The following ZNF532 variants were observed in gnomAD, a reference collection of about 807,000 sequenced individuals.
The protein encoded by ZNF532 is zinc finger protein 532.
In ZNF532, 22 loss-of-function variants were observed where a neutral mutation model predicts 89.3. That is an observed-to-expected ratio of 0.25 (90% confidence interval 0.18 to 0.35). ZNF532 has a LOEUF of 0.35. ZNF532 is among the 10% of genes least tolerant of loss of function. The pLI is 1.00. For synonymous variants in ZNF532, 606 were observed against 649.6 expected (o/e 0.93, Z 1.02); for missense variants, 1,132 against 1,643.4 (o/e 0.69, Z 5.38).
rs996757833 is a variant in ZNF532, at chr18:58,878,226, G to A, written c.-18+12647G>A. Among the ~76,000 whole-genome samples the A allele has an allele frequency of 3.3e-5, 5 of 152,140 alleles. No homozygotes were observed. In the South Asian group the frequency reaches 1.0e-3, roughly 32 times the overall value. ...GCTGAGATTGAGCCACTGCACTCCA[G>A]CCTGGGCGACAGAGCAAGACTCCAT... On this transcript the variant is annotated intron_variant, in intron 2 of 9. Transcript: ENST00000591808.
At chr18:58,878,630 CTGAGG>C (rs2057634428) in intron 2 of ZNF532, among the ~76,000 whole-genome samples, 1 of 152,326 alleles carries the variant, frequency 6.6e-6, no homozygotes, top group Admixed American at 6.5e-5. Context: ...GCCCAGGTGG[CTGAGG>C]TGAGGGGTGT....
intron 2 of ZNF532, among the ~76,000 whole-genome samples, chr18:58,891,708 CTG>C (rs2058915373): frequency 6.6e-6 from 1 of 152,190 alleles, no homozygotes; most frequent in African/African-American, 2.4e-5. Context: ...ATGAGTTTGA[CTG>C]AGGATCTCTT....
intron 5 of ZNF532, among the ~76,000 whole-genome samples, chr18:58,940,618 G>A (rs2146644071): frequency 6.6e-6 from 1 of 152,242 alleles, no homozygotes; most frequent in South Asian, 2.1e-4. Flanking sequence ...TGAGGGTCCT[G>A]CTTAAGTGAG....
chr18:58,942,178 A>G (rs1362297783), intron 5 of ZNF532, among the ~76,000 whole-genome samples: 88 of 149,584 alleles, frequency 5.9e-4, no homozygotes, highest in Admixed American at 2.2e-3. Context: ...GCCCACCACC[A>G]CGCCTGGCTA....
chr18:58,890,851 TTAAAC>T (rs2058848021), intron 2 of ZNF532, among the ~76,000 whole-genome samples: 1 of 151,608 alleles, frequency 6.6e-6, no homozygotes, highest in Non-Finnish European at 1.5e-5. Context: ...TTTTTCCTTC[TTAAAC>T]TATTTTTTTA....
rs77893977 is a variant in ZNF532 at position 58,886,943 on chromosome 18, G to T, written c.-18+21364G>T. Among the ~76,000 whole-genome samples, 741 of 152,328 alleles carry T rather than the reference G, an allele frequency of 4.9e-3. 7 individuals carry two copies. The highest frequency in any genetic ancestry group is 0.016 in the African/African-American group (672 of 41,566). ...TCCTGTAGTAATCTCCTTAGTTGGA[G>T]ATGTTCTTTCATTAGCTTGTAATCT... is the stretch of plus-strand genomic sequence containing the variant. On this transcript the variant is annotated intron_variant, in intron 2 of 9. Coordinates refer to ENST00000591808, the MANE Select transcript of ZNF532 (RefSeq NM_001375912.1).
At chr18:58,971,082 T>C (rs763191608) in intron 7 of ZNF532, among the ~76,000 whole-genome samples, 1 of 152,260 alleles carries the variant, frequency 6.6e-6, no homozygotes, top group Non-Finnish European at 1.5e-5. Flanking sequence ...TTTTCAGTTG[T>C]ACAGTGTCAT....
chr18:58,982,850 C>T (rs77094941), intron 9 of ZNF532, among the ~76,000 whole-genome samples: 4,858 of 152,226 alleles, frequency 0.032, 91 homozygotes, highest in Middle Eastern at 0.099. Flanking sequence ...CGTGGTGGCT[C>T]ACACCTGTAA....
intron 3 of ZNF532, among the ~76,000 whole-genome samples, chr18:58,924,014 A>C (rs180950861): frequency 6.6e-6 from 1 of 152,020 alleles, no homozygotes; most frequent in Non-Finnish European, 1.5e-5. Context: ...ACATCACCGC[A>C]TCCAGCTAAT....
chr18:58,924,915 A>G (rs1433421963), intron 3 of ZNF532, among the ~76,000 whole-genome samples: 1 of 152,166 alleles, frequency 6.6e-6, no homozygotes, highest in Non-Finnish European at 1.5e-5. Flanking sequence ...TTTTTCACTC[A>G]GCATAATTCC....
At chr18:58,873,399 C>T (rs2057159003) in intron 2 of ZNF532, among the ~76,000 whole-genome samples, 1 of 151,976 alleles carries the variant, frequency 6.6e-6, no homozygotes, top group East Asian at 1.9e-4. Flanking sequence ...TTAAGTTAAG[C>T]TTTACCGAGG....
At chr18:58,904,690 G>A (rs995181919) in intron 2 of ZNF532, among the ~76,000 whole-genome samples, 16 of 152,208 alleles carry the variant, frequency 1.1e-4, no homozygotes, top group African/African-American at 3.6e-4. Flanking sequence ...TTGTTGTGTT[G>A]CGTACCATTG....
chr18:58,877,883 G>C (rs1357770700), intron 2 of ZNF532, among the ~76,000 whole-genome samples: 1 of 152,168 alleles, frequency 6.6e-6, no homozygotes, highest in Non-Finnish European at 1.5e-5. Context: ...GTCACAGTTG[G>C]GGGGTGAGTT....
At position 58,984,267 on chromosome 18, in the gene ZNF532, A is replaced by T. The variant is rs1286115661; in HGVS notation, c.3707A>T (p.Lys1236Met). 6.2e-7 allele frequency: 1 copy of T among 1,611,864 alleles called. No homozygotes were observed. Among genetic ancestry groups the T allele is most frequent in the Non-Finnish European group, 8.5e-7 (1 of 1,179,856 alleles). ...HKLKEPQPVSKQNGAGEDNQQ... is the reference protein window; with the variant it reads ...HKLKEPQPVSMQNGAGEDNQQ... ...TTAAAGGAACCTCAGCCAGTGTCCA[A>T]GCAAAATGGGGCTGGGGAAGATAAC... The change falls in exon 10 of 10, where the codon AAG becomes ATG. Residue 1236 changes from lysine (K) to methionine (M), a missense_variant. By Grantham distance (95) the Lys-to-Met change is moderately conservative (BLOSUM62 -1). Coordinates refer to ENST00000591808, the MANE Select transcript of ZNF532 (RefSeq NM_001375912.1).
At chr18:58,897,873 A>C (rs186156744) in intron 2 of ZNF532, among the ~76,000 whole-genome samples, 52 of 152,306 alleles carry the variant, frequency 3.4e-4, no homozygotes, top group Admixed American at 1.4e-3. Context: ...GAATTGCTTG[A>C]ATTCAGAGGC....
intron 1 of ZNF532, 21 bp from the exon 2 acceptor site, chr18:58,865,449 C>T (rs1423747757): frequency 6.6e-6 from 1 of 152,668 alleles, no homozygotes; most frequent in Admixed American, 6.5e-5. Flanking sequence ...GCCATACATG[C>T]TGTCTTTTTT....
At chr18:58,890,809 G>A (rs1047569994) in intron 2 of ZNF532, among the ~76,000 whole-genome samples, 6 of 150,504 alleles carry the variant, frequency 4.0e-5, no homozygotes, top group Non-Finnish European at 7.4e-5. Context: ...TCTTCTTCCC[G>A]GTAGGTAAAT....
chr18:58,920,465 A>G lies in ZNF532; in HGVS notation c.2178A>G (p.Thr726=), dbSNP rs374280660. 3 of 1,613,986 alleles carry G rather than the reference A, an allele frequency of 1.9e-6. No homozygotes were observed. Among genetic ancestry groups the G allele is most frequent in the Non-Finnish European group, 2.5e-6 (3 of 1,179,874 alleles). Residue 726 remains threonine, a synonymous_variant, in exon 3 of 10, where the codon ACA becomes ACG. Transcript: ENST00000591808. ...AAATTCAGTCTGGCATAACTGGGAC[A>G]GTCATATCGGCTCCTTCAAGCACTC... ...VTKIQSGITG[T]VISAPSSTPI... is the part of the protein sequence containing the mutation.
chr18:58,875,071 G>GA (rs892693492), intron 2 of ZNF532, among the ~76,000 whole-genome samples: 20 of 151,478 alleles, frequency 1.3e-4, no homozygotes, highest in Middle Eastern at 3.4e-3. Context: ...AAGATGTAAT[G>GA]AAAAAAAACA....
Sources: gnomAD v4.1 joint callset for allele counts (sites outside exome capture counted in the v4.1 genomes callset) on GRCh38, gnomAD v4.1.1 for gene constraint, MANE v1.5 for transcripts, NCBI Gene and HGNC (gene_info 2026-07-23, HGNC 2026-07-21) for gene names.